SLC12A2: variants seen among roughly 807,000 people sequenced by gnomAD.
SLC12A2 encodes solute carrier family 12 member 2.
SLC12A2 carries 67 observed loss-of-function variants against 136.3 expected under a neutral mutation model. The ratio of observed to expected loss-of-function variants is 0.49; its 90% CI spans 0.40 to 0.60. SLC12A2 has a LOEUF of 0.60. Among genes scored for constraint, SLC12A2 ranks in the 20% least tolerant of loss-of-function variants. The probability of loss-of-function intolerance (pLI) is 0.00; values close to 1 mark genes in which losing one functional copy is unlikely to be tolerated. For missense variants in SLC12A2, 1,322 were observed against 1,534.7 expected (o/e 0.86, Z 2.32); for synonymous variants, 619 against 562.9 (o/e 1.10, Z -1.41).
At chr5:128,122,767 T>C (rs2126683700) in intron 4 of SLC12A2, among the ~76,000 whole-genome samples, 1 of 152,240 alleles carries the variant, frequency 6.6e-6, no homozygotes, top group Non-Finnish European at 1.5e-5. Flanking sequence ...GATTGTCAAA[T>C]TTTTTTGTTT....
intron 2 of SLC12A2, 42 bp downstream of exon 2, chr5:128,112,975 G>A: frequency 2.0e-6 from 3 of 1,496,738 alleles, no homozygotes; most frequent in African/African-American, 2.8e-5. Context: ...CAGCATATCT[G>A]TTGGTTATAA....
intron 4 of SLC12A2, among the ~76,000 whole-genome samples, chr5:128,122,284 T>G (rs1761612858): frequency 6.6e-6 from 1 of 152,224 alleles, no homozygotes; most frequent in Non-Finnish European, 1.5e-5. Flanking sequence ...TTACTTGTAC[T>G]TTAGTCAATC....
intron 12 of SLC12A2, among the ~76,000 whole-genome samples, chr5:128,149,499 G>A (rs1762631240): frequency 2.0e-5 from 3 of 151,554 alleles, no homozygotes; most frequent in Non-Finnish European, 4.4e-5. Flanking sequence ...ATACAATAAT[G>A]TTTCTAGTAT....
At chr5:128,177,046 A>T (rs1484935476) in intron 20 of SLC12A2, 59 bp from the exon 21 acceptor site, 1 of 1,047,524 alleles carries the variant, frequency 9.5e-7, no homozygotes, top group Non-Finnish European at 1.4e-6. Flanking sequence ...TTACATTTTT[A>T]TTATTTTATT....
At chr5:128,160,874 C>A (rs55717628) in intron 16 of SLC12A2, among the ~76,000 whole-genome samples, 2 of 150,842 alleles carry the variant, frequency 1.3e-5, no homozygotes, top group Non-Finnish European at 3.0e-5. Context: ...TGTGAGAGTG[C>A]GTGTATGTAG....
At chr5:128,172,299 C>T (rs1306985055) in intron 19 of SLC12A2, among the ~76,000 whole-genome samples, 1 of 152,130 alleles carries the variant, frequency 6.6e-6, no homozygotes, top group Non-Finnish European at 1.5e-5. Flanking sequence ...CCAATGATAA[C>T]ATCTTGCCTT....
At chr5:128,099,512 TAATA>T (rs1222619475) in intron 1 of SLC12A2, among the ~76,000 whole-genome samples, 4 of 152,160 alleles carry the variant, frequency 2.6e-5, no homozygotes, top group Admixed American at 6.6e-5. Context: ...TATTTTTCAA[TAATA>T]AATTAACCTC....
Position 128,186,748 on chromosome 5 carries a change from T to C in SLC12A2, c.*117T>C. ...CGAATGGTGACTTTTCTTTCACGAT[T>C]TCATTAATTTGAAAGCACACAGGAA... is the stretch of plus-strand genomic sequence containing the variant. On this transcript the variant is annotated 3_prime_UTR_variant, in exon 27 of 27. Transcript: ENST00000262461. 8.9e-7 allele frequency: 1 copy of C among 1,128,316 alleles called. No individual in the cohort carries two copies. Among genetic ancestry groups the C allele is most frequent in the Non-Finnish European group, 1.3e-6 (1 of 788,164 alleles). 69.9% of individuals were successfully genotyped at this position (1,128,316 alleles called of 1,614,324 possible).
chr5:128,145,555 T>C (rs962929326), intron 10 of SLC12A2, among the ~76,000 whole-genome samples: 1 of 152,126 alleles, frequency 6.6e-6, no homozygotes, highest in African/African-American at 2.4e-5. Flanking sequence ...AAATTGTTAT[T>C]AAAGGGCTGA....
chr5:128,088,007 C>CTGTGTGTGTGTGTGTGTGTGTGTGTGTG (rs58191870), intron 1 of SLC12A2, among the ~76,000 whole-genome samples: 32 of 140,390 alleles, frequency 2.3e-4, no homozygotes, highest in Middle Eastern at 7.1e-3. Context: ...GGAGGAGGCT[C>CTGTGTGTGTGTGTGTGTGTGTGTGTGTG]TGTGTGTGTG....
chr5:128,099,017 A>G (rs1045531209), intron 1 of SLC12A2, among the ~76,000 whole-genome samples: 5 of 152,200 alleles, frequency 3.3e-5, no homozygotes, highest in African/African-American at 7.2e-5. Context: ...GGATCTGACA[A>G]AAGTGCAGCT....
intron 4 of SLC12A2, among the ~76,000 whole-genome samples, chr5:128,127,553 A>G (rs772606759): frequency 6.6e-6 from 1 of 151,512 alleles, no homozygotes; most frequent in Non-Finnish European, 1.5e-5. Flanking sequence ...TCACCAGTGA[A>G]GCCATCTCTG....
chr5:128,170,540 TTAATA>T (rs1051035013), intron 18 of SLC12A2: 1 of 152,228 alleles, frequency 6.6e-6, no homozygotes, highest in Non-Finnish European at 1.5e-5. Flanking sequence ...TAGCTGTATC[TTAATA>T]TATCATTGTT....
chr5:128,117,750 C>T (rs139656094), intron 4 of SLC12A2, among the ~76,000 whole-genome samples: 2 of 152,258 alleles, frequency 1.3e-5, no homozygotes, highest in East Asian at 3.9e-4. Context: ...AGCTTCTGCA[C>T]AGCAAAAGAA....
intron 1 of SLC12A2, among the ~76,000 whole-genome samples, chr5:128,102,334 CTG>C (rs890825345): frequency 6.6e-5 from 10 of 152,066 alleles, no homozygotes; most frequent in African/African-American, 2.4e-4. Flanking sequence ...TAGAAATTCT[CTG>C]TGCACCCCCT....
chr5:128,141,949 C>G lies in SLC12A2; in HGVS notation c.1741C>G (p.Pro581Ala), dbSNP rs758368968. The change falls in exon 10 of 27, where the codon CCT (proline) becomes GCT (alanine). Residue 581 changes from proline to alanine, a missense_variant. Coordinates refer to ENST00000262461, the MANE Select transcript of SLC12A2 (RefSeq NM_001046.3). ...NFDFSSCESS[P>A]CSYGLMNNFQ... Reference sequence around the variant, plus strand: ...TGATTTTTCATCTTGTGAAAGCAGTCCTTGTTCCTATGGCCTAATGAACAA... The same window carrying G: ...TGATTTTTCATCTTGTGAAAGCAGTGCTTGTTCCTATGGCCTAATGAACAA... 3 of 1,613,786 alleles carry G rather than the reference C, an allele frequency of 1.9e-6. No homozygotes were observed. Among genetic ancestry groups the G allele is most frequent in the African/African-American group, 1.3e-5 (1 of 74,900 alleles).
chr5:128,177,029 GCT>G (rs1763561747), intron 20 of SLC12A2, 74 bp from the exon 21 acceptor site: 2 of 848,936 alleles, frequency 2.4e-6, no homozygotes, highest in Non-Finnish European at 3.6e-6. Flanking sequence ...TTATAAATGT[GCT>G]CTGATTACAT....
At chr5:128,108,414 C>T (rs114121527) in intron 1 of SLC12A2, among the ~76,000 whole-genome samples, 1,854 of 152,142 alleles carry the variant, frequency 0.012, 43 homozygotes, top group African/African-American at 0.041. Flanking sequence ...AAATGTCCAA[C>T]TGATGAATTA....
intron 7 of SLC12A2, among the ~76,000 whole-genome samples, chr5:128,138,080 G>A (rs1561681202): frequency 6.6e-6 from 1 of 152,022 alleles, no homozygotes; most frequent in East Asian, 1.9e-4. Flanking sequence ...TGGGACCACA[G>A]GCATGTGCCA....
Sources: gnomAD v4.1 joint callset for allele counts (sites outside exome capture counted in the v4.1 genomes callset) on GRCh38, gnomAD v4.1.1 for gene constraint, MANE v1.5 for transcripts, NCBI Gene and HGNC (gene_info 2026-07-23, HGNC 2026-07-21) for gene names.